The following SP140 variants were observed in gnomAD, a reference collection of about 807,000 sequenced individuals.
SP140 encodes nuclear body protein SP140.
A neutral mutation model predicts 125.0 loss-of-function variants in SP140; 81 were observed. That is an observed-to-expected ratio of 0.65 (90% CI 0.54 to 0.78). The LOEUF (loss-of-function observed/expected upper bound fraction) is 0.78, where lower values mean the gene tolerates loss of function less well. Among genes scored for constraint, SP140 ranks in the 30% least tolerant of loss-of-function variants. SP140 has a pLI of 0.00. For synonymous variants in SP140, 312 were observed against 354.0 expected, an observed-to-expected ratio of 0.88 and a Z score of 1.33; for missense variants, 858 against 1,037.0, an observed-to-expected ratio of 0.83 and a Z score of 2.37.
chr2:230,291,641 T>C (rs2057126022), intron 19 of SP140, among the ~76,000 whole-genome samples: 1 of 152,262 alleles, frequency 6.6e-6, no homozygotes, highest in African/African-American at 2.4e-5. Context: ...TGTATAGATA[T>C]ACCACACTTT....
chr2:230,231,471 G>A (rs2047228993), intron 1 of SP140, among the ~76,000 whole-genome samples: 1 of 152,140 alleles, frequency 6.6e-6, no homozygotes, highest in Admixed American at 6.5e-5. Context: ...AATTCCTCTA[G>A]CGTTCTTGTT....
chr2:230,301,052 C>T (rs1179660609), intron 22 of SP140, among the ~76,000 whole-genome samples: 1 of 152,090 alleles, frequency 6.6e-6, no homozygotes, highest in Admixed American at 6.5e-5. Context: ...GAAGAATGAA[C>T]TACAGAACTC....
At chr2:230,298,743 A>C (rs1305376274) in intron 22 of SP140, among the ~76,000 whole-genome samples, 2 of 151,634 alleles carry the variant, frequency 1.3e-5, no homozygotes, top group Non-Finnish European at 3.0e-5. Flanking sequence ...GAAGAGCTTT[A>C]AAAAAATATT....
At chr2:230,199,149 T>TTA (rs1491294316), upstream of SP140, among the ~76,000 whole-genome samples, 6 of 96,294 alleles carry the variant, frequency 6.2e-5, no homozygotes, top group African/African-American at 4.3e-4. Context: ...ATTATTATTA[T>TTA]TTTTTTTTTT....
rs2045668220 is a variant in SP140, at chr2:230,220,040, T to C, written c.-90-5715T>C. The C allele has an allele frequency of 3.0e-6, 3 of 985,364 alleles. No homozygotes were observed. The African/African-American group carries it at 5.2e-5, about 17-fold the overall frequency. 61.0% of individuals were successfully genotyped at this position (985,364 alleles called of 1,614,324 possible). ...TCCGAGAAAAGAAAAGTGAAAGTTT[T>C]CGGAGTTTGCCAAGCCGGAAGCTGA... On this transcript the variant is annotated intron_variant, in intron 3 of 4. Transcript: ENST00000456542.
Position 230,294,262 on chromosome 2 carries a change from G to T in SP140, c.1969-9G>T. The T allele has an allele frequency of 6.2e-7, 1 of 1,612,050 alleles. No homozygotes were observed. Among genetic ancestry groups the T allele is most frequent in the Non-Finnish European group, 8.5e-7 (1 of 1,178,422 alleles). On this transcript the variant is annotated splice_polypyrimidine_tract_variant and intron_variant, in intron 20 of 26. Coordinates refer to ENST00000392045, the MANE Select transcript of SP140 (RefSeq NM_007237.5). ...GCTGACCATATACCTGAATCTTTTT[G>T]TCTTTCAGAATGGATTTCTGCCTGA...
chr2:230,279,817 C>A (rs1169996623), intron 15 of SP140, among the ~76,000 whole-genome samples: 1 of 151,992 alleles, frequency 6.6e-6, no homozygotes, highest in Non-Finnish European at 1.5e-5. Context: ...AAGATGGGGC[C>A]TCACTGTGTG....
chr2:230,312,087 C>G (rs1269280572), intron 26 of SP140, among the ~76,000 whole-genome samples: 51 of 152,190 alleles, frequency 3.4e-4, no homozygotes, highest in Non-Finnish European at 7.3e-5. Flanking sequence ...TTGAAAGAAC[C>G]TAGATTGCTT....
intron 12 of SP140, among the ~76,000 whole-genome samples, chr2:230,263,726 T>C (rs1032397951): frequency 1.3e-5 from 2 of 152,192 alleles, no homozygotes; most frequent in African/African-American, 4.8e-5. Flanking sequence ...CCTTCGTATA[T>C]GATGCTTAGT....
At chr2:230,200,908 C>G (rs1353393264), upstream of SP140, 3 of 1,613,692 alleles carry the variant, frequency 1.9e-6, no homozygotes, top group East Asian at 2.2e-5. Flanking sequence ...TCGTGGTGTA[C>G]TAGGCGTCTT....
At position 230,289,375 on chromosome 2, in the gene SP140, A is replaced by G. The variant is rs144425816; in HGVS notation, c.1721-1085A>G. Among the ~76,000 whole-genome samples, 1,322 of 152,328 alleles carry G rather than the reference A, an allele frequency of 8.7e-3. 11 individuals are homozygous for G. The highest frequency in any genetic ancestry group is 0.015 in the Non-Finnish European group (992 of 68,020). On this transcript the variant is annotated intron_variant, in intron 18 of 26. Coordinates refer to ENST00000392045, the MANE Select transcript of SP140 (RefSeq NM_007237.5). ...ATTCTGGATATTAGCCCTTTGTCAG[A>G]TAGATAGACTGCAAAAATTTTCTTT...
At chr2:230,309,774 T>G in intron 22 of SP140, 150 bp from the exon 23 acceptor site, 1 of 720,956 alleles carries the variant, frequency 1.4e-6, no homozygotes, top group Non-Finnish European at 2.3e-6. Flanking sequence ...TTCTGAAATC[T>G]CCATGCCATG....
chr2:230,226,248 A>G (rs1372080196), intron 1 of SP140, among the ~76,000 whole-genome samples: 1 of 152,086 alleles, frequency 6.6e-6, no homozygotes, highest in Non-Finnish European at 1.5e-5. Context: ...CCCACTCCAA[A>G]AGACAACTCT....
At chr2:230,216,953 A>G (rs1313213611) in intron 3 of SP140, 3 of 1,609,384 alleles carry the variant, frequency 1.9e-6, no homozygotes, top group Admixed American at 1.7e-5. Context: ...ATGATAAAAA[A>G]TAGAAGCAAA....
intron 9 of SP140, among the ~76,000 whole-genome samples, chr2:230,250,222 G>T (rs1308380524): frequency 6.6e-6 from 1 of 152,134 alleles, no homozygotes; most frequent in East Asian, 1.9e-4. Flanking sequence ...AGCACAATTG[G>T]CAATTGCAAG....
chr2:230,195,277 A>G, the SP140 span, among the ~76,000 whole-genome samples: 1 of 151,722 alleles, frequency 6.6e-6, no homozygotes, highest in African/African-American at 2.4e-5. Flanking sequence ...AAATTGAATT[A>G]GGGGATTGAA....
chr2:230,308,071 A>T (rs1010873221), intron 22 of SP140, among the ~76,000 whole-genome samples: 1 of 150,490 alleles, frequency 6.6e-6, no homozygotes, highest in African/African-American at 2.4e-5. Context: ...AAAAGGAATG[A>T]AATAATGACA....
downstream of SP140, among the ~76,000 whole-genome samples, chr2:230,316,301 G>A (rs2059483178): frequency 7.1e-6 from 1 of 140,018 alleles, no homozygotes; most frequent in Admixed American, 6.8e-5. Flanking sequence ...GCATGTCAGT[G>A]TATCCCCTCC....
rs1256250868 is a variant in SP140 at position 230,309,823 on chromosome 2, C to T, written c.2059-101C>T. On this transcript the variant is annotated intron_variant, in intron 22 of 26. Coordinates refer to ENST00000392045, the MANE Select transcript of SP140 (RefSeq NM_007237.5). ...TCCCAGGGAGAAGCATTTGCCTGTC[C>T]ATGCAGGTTCACACAAAGGCAGTGT... is the stretch of plus-strand genomic sequence containing the variant. The T allele has an allele frequency of 1.3e-5, 15 of 1,163,854 alleles. No individual in the cohort carries two copies. In the East Asian group the frequency reaches 3.6e-4, roughly 28 times the overall value. 72.1% of individuals were successfully genotyped at this position (1,163,854 alleles called of 1,614,324 possible). A position where few individuals can be genotyped will look rare whatever the true frequency, so the allele number is the denominator to read the frequency against.
Sources: gnomAD v4.1 joint callset for allele counts (sites outside exome capture counted in the v4.1 genomes callset) on GRCh38, gnomAD v4.1.1 for gene constraint, MANE v1.5 for transcripts, NCBI Gene and HGNC (gene_info 2026-07-23, HGNC 2026-07-21) for gene names.